ABCA13: variants seen among roughly 807,000 people sequenced by gnomAD.
ABCA13 encodes the protein ATP-binding cassette sub-family A member 13.
In ABCA13, 476 loss-of-function variants were observed where a neutral mutation model predicts 478.7. The ratio of observed to expected loss-of-function variants is 0.99; its 90% CI spans 0.92 to 1.07. ABCA13 has a LOEUF of 1.07. ABCA13 is among the 50% of genes least tolerant of loss of function. ABCA13 has a pLI of 0.00. For synonymous variants in ABCA13, 2,252 were observed against 2,158.9 expected (o/e 1.04, Z -1.20); for missense variants, 6,060 against 5,910.6 (o/e 1.03, Z -0.83).
At chr7:48,424,021 A>G (rs1267211659) in intron 41 of ABCA13, among the ~76,000 whole-genome samples, 1 of 152,314 alleles carries the variant, frequency 6.6e-6, no homozygotes, top group South Asian at 2.1e-4. Flanking sequence ...TTCAGTTACA[A>G]TGATAGAAAA....
chr7:48,637,388 A>AAAAAAAAAAAAAAAAAAAC, intron 59 of ABCA13, among the ~76,000 whole-genome samples: 1 of 146,428 alleles, frequency 6.8e-6, no homozygotes, highest in Admixed American at 6.8e-5. Context: ...AAGCAAAAAA[A>AAAAAAAAAAAAAAAAAAAC]AAAAAAAAAA....
chr7:48,541,558 G>A (rs1018106459), intron 55 of ABCA13, among the ~76,000 whole-genome samples: 17 of 151,992 alleles, frequency 1.1e-4, no homozygotes, highest in Middle Eastern at 3.4e-3. Flanking sequence ...GTGGCTTGCC[G>A]GAAGTCAAAC....
Position 48,403,700 on chromosome 7 carries a change from A to T in ABCA13, c.11891A>T (p.Asp3964Val), listed in dbSNP as rs1465901257. The change falls in exon 39 of 62, where the codon GAC (aspartate) becomes GTC (valine). Residue 3964 changes from aspartate to valine, a missense_variant. Physicochemically the swap from Asp to Val is radical, Grantham distance 152 (BLOSUM62 -3). Coordinates refer to ENST00000435803, the MANE Select transcript of ABCA13 (RefSeq NM_152701.5). Reference sequence around the variant, plus strand: ...AATTTCAGAACTCTTCAGGATGTGGACTTAACTCAGCATCAGCACAAACAG... The same window carrying T: ...AATTTCAGAACTCTTCAGGATGTGGTCTTAACTCAGCATCAGCACAAACAG... ...QQVNQTLQDVDLTQHQHKQTR... is the reference protein window; with the variant it reads ...QQVNQTLQDVVLTQHQHKQTR... The T allele has an allele frequency of 1.2e-6, 2 of 1,613,956 alleles. No individual in the cohort carries two copies. Among genetic ancestry groups the T allele is most frequent in the Admixed American group, 1.7e-5 (1 of 60,030 alleles).
At chr7:48,316,861 G>C (rs191019475) in intron 26 of ABCA13, among the ~76,000 whole-genome samples, 1 of 152,030 alleles carries the variant, frequency 6.6e-6, no homozygotes, top group Non-Finnish European at 1.5e-5. Context: ...GGAACTAATA[G>C]AGTGAGAACT....
intron 42 of ABCA13, among the ~76,000 whole-genome samples, chr7:48,431,111 T>A (rs1451097771): frequency 6.6e-6 from 1 of 152,208 alleles, no homozygotes; most frequent in African/African-American, 2.4e-5. Context: ...TTAGGTTGTG[T>A]TGATTTCCAC....
intron 55 of ABCA13, among the ~76,000 whole-genome samples, chr7:48,567,641 T>C (rs988437278): frequency 1.3e-5 from 2 of 152,078 alleles, no homozygotes; most frequent in Non-Finnish European, 2.9e-5. Flanking sequence ...AATATATGGG[T>C]TGATGAACTT....
At chr7:48,448,235 C>T (rs1047969927) in intron 42 of ABCA13, among the ~76,000 whole-genome samples, 25 of 152,290 alleles carry the variant, frequency 1.6e-4, no homozygotes, top group African/African-American at 5.1e-4. Flanking sequence ...CAATGACAAC[C>T]GCAAAGGAAG....
At chr7:48,201,202 T>G (rs991729109) in intron 3 of ABCA13, among the ~76,000 whole-genome samples, 3 of 152,190 alleles carry the variant, frequency 2.0e-5, no homozygotes. Flanking sequence ...GCGGTTTCCG[T>G]GAATTTCCTT....
At chr7:48,528,142 G>T in intron 54 of ABCA13, 94 bp from the exon 55 acceptor site, 1 of 1,086,844 alleles carries the variant, frequency 9.2e-7, no homozygotes. Context: ...AAAAGCAAGT[G>T]CTGTTTCTGA....
At chr7:48,637,406 A>AC (rs1794753407) in intron 59 of ABCA13, among the ~76,000 whole-genome samples, 1 of 136,066 alleles carries the variant, frequency 7.3e-6, no homozygotes, top group Admixed American at 7.5e-5. Context: ...AAAAAAAAAA[A>AC]CAGAGAGAGA....
At chr7:48,243,972 AT>A (rs1209318191) in intron 10 of ABCA13, among the ~76,000 whole-genome samples, 4 of 152,152 alleles carry the variant, frequency 2.6e-5, no homozygotes, top group Non-Finnish European at 5.9e-5. Flanking sequence ...CCTCTCCCGT[AT>A]TTATTCCCAA....
rs1237369602 is a variant in ABCA13, at chr7:48,647,156, ACTTC to A, written c.*1648_*1651del. On this transcript the variant is annotated 3_prime_UTR_variant, in exon 62 of 62. Coordinates refer to ENST00000435803, the MANE Select transcript of ABCA13 (RefSeq NM_152701.5). ...CGGTAGCTTGTGATCAAAGGCATATACTTCCTTATGAGATTTCTTTACTAAAGCA... is the reference window on the plus strand; with the variant it reads ...CGGTAGCTTGTGATCAAAGGCATATACTTATGAGATTTCTTTACTAAAGCA... 1 of 152,214 alleles carries A rather than the reference ACTTC, an allele frequency of 6.6e-6. No homozygotes were observed. The highest frequency in any genetic ancestry group is 6.5e-5 in the Admixed American group (1 of 15,284). 9.4% of individuals were successfully genotyped at this position (152,214 alleles called of 1,614,324 possible).
chr7:48,329,089 G>C (rs1289579144), intron 27 of ABCA13, among the ~76,000 whole-genome samples: 3 of 152,178 alleles, frequency 2.0e-5, no homozygotes, highest in African/African-American at 7.2e-5. Context: ...AGAATTAATT[G>C]AATCAGATAC....
At chr7:48,354,117 G>A (rs1809502089) in intron 31 of ABCA13, among the ~76,000 whole-genome samples, 1 of 151,960 alleles carries the variant, frequency 6.6e-6, no homozygotes, top group African/African-American at 2.4e-5. Flanking sequence ...AGTGATCTGT[G>A]TTAGATACTG....
chr7:48,624,059 A>AGTGTGTGTGTGTGT (rs3078326), intron 59 of ABCA13, among the ~76,000 whole-genome samples: 5 of 142,442 alleles, frequency 3.5e-5, no homozygotes, highest in African/African-American at 5.2e-5. Context: ...CACATGATAG[A>AGTGTGTGTGTGTGT]GTGTGTGTGT....
At chr7:48,288,270 C>T (rs1391329424) in intron 20 of ABCA13, among the ~76,000 whole-genome samples, 192 bp downstream of exon 20, 2 of 152,116 alleles carry the variant, frequency 1.3e-5, no homozygotes, top group African/African-American at 4.8e-5. Context: ...CAGTGGTGTG[C>T]TGGGTTGAGT....
chr7:48,348,777 C>T (rs1032037237), intron 29 of ABCA13, among the ~76,000 whole-genome samples: 1 of 152,202 alleles, frequency 6.6e-6, no homozygotes, highest in Non-Finnish European at 1.5e-5. Context: ...CTGGCTCTTT[C>T]AGAGCCCTAC....
chr7:48,594,548 C>T (rs898904944), intron 57 of ABCA13, among the ~76,000 whole-genome samples, 162 bp from the exon 58 acceptor site: 2 of 152,092 alleles, frequency 1.3e-5, no homozygotes, highest in African/African-American at 4.8e-5. Context: ...CCCTATCATT[C>T]TGGCTTTGTT....
chr7:48,608,467 A>G (rs1294781356), intron 58 of ABCA13, among the ~76,000 whole-genome samples: 3 of 152,254 alleles, frequency 2.0e-5, no homozygotes, highest in Non-Finnish European at 4.4e-5. Context: ...TCAGCTGCAC[A>G]TACATGCAGC....
Sources: gnomAD v4.1 joint callset for allele counts (sites outside exome capture counted in the v4.1 genomes callset) on GRCh38, gnomAD v4.1.1 for gene constraint, MANE v1.5 for transcripts, NCBI Gene and HGNC (gene_info 2026-07-23, HGNC 2026-07-21) for gene names.